Variants in AGAP1 observed in about 807,000 individuals in gnomAD.
AGAP1 encodes the protein arf-GAP with GTPase, ANK repeat and PH domain-containing protein 1.
Under a neutral mutation model 105.3 loss-of-function variants are expected in AGAP1, and 29 were observed. The ratio of observed to expected loss-of-function variants is 0.28; its 90% CI spans 0.21 to 0.38. The LOEUF (loss-of-function observed/expected upper bound fraction) is 0.38. Among genes scored for constraint, AGAP1 ranks in the 10% least tolerant of loss-of-function variants. The pLI is 1.00. For synonymous variants in AGAP1, 509 were observed against 485.9 expected (o/e 1.05, Z -0.63); for missense variants, 998 against 1,165.1 (o/e 0.86, Z 2.09).
intron 1 of AGAP1, among the ~76,000 whole-genome samples, chr2:235,666,705 CA>C (rs1185912884): frequency 1.3e-5 from 2 of 150,808 alleles, no homozygotes; most frequent in Non-Finnish European, 2.9e-5. Flanking sequence ...GATGGATTCT[CA>C]ACAAAGGTAC....
Position 235,716,873 on chromosome 2 carries a change from G to A in AGAP1, c.223-684G>A, listed in dbSNP as rs1951135049. 6.6e-6 allele frequency among the ~76,000 whole-genome samples: 1 copy of A among 152,050 alleles called. No individual in the cohort carries two copies. Among genetic ancestry groups the A allele is most frequent in the South Asian group, 2.1e-4 (1 of 4,824 alleles). The stretch of plus-strand genomic sequence containing the variant: ...TTACTGCTAGGACAGAGGCCCTCAT[G>A]TCACCCTCCCTCCTGAGGGTCGCCT... On this transcript the variant is annotated intron_variant, in intron 2 of 17. Coordinates refer to ENST00000304032, the MANE Select transcript of AGAP1 (RefSeq NM_001037131.3). The surrounding 1 kb of genome is among the most constrained non-coding windows in gnomAD (Gnocchi z 4.0).
chr2:235,893,193 G>T lies in AGAP1; in HGVS notation c.1155+9744G>T, dbSNP rs1397096685. ...GCGCTGTGTCTTTGGCGCGGGTGTGGCGTGGGTGTGCCATGTCCATCATAA... is the reference window on the plus strand; with the variant it reads ...GCGCTGTGTCTTTGGCGCGGGTGTGTCGTGGGTGTGCCATGTCCATCATAA... On this transcript the variant is annotated intron_variant, in intron 10 of 17. Coordinates refer to ENST00000304032, the MANE Select transcript of AGAP1 (RefSeq NM_001037131.3). The surrounding 1 kb of genome is among the most constrained non-coding windows in gnomAD (Gnocchi z 4.7). Among the ~76,000 whole-genome samples the T allele has an allele frequency of 6.6e-6, 1 of 151,110 alleles. No homozygotes were observed. Among genetic ancestry groups the T allele is most frequent in the African/African-American group, 2.4e-5 (1 of 41,084 alleles).
At chr2:235,519,756 C>T (rs1320160301) in intron 1 of AGAP1, among the ~76,000 whole-genome samples, 2 of 152,068 alleles carry the variant, frequency 1.3e-5, no homozygotes, top group Non-Finnish European at 2.9e-5. Flanking sequence ...CCTGTATATA[C>T]CCTGCCACCT....
chr2:235,565,169 A>T (rs57558506), intron 1 of AGAP1, among the ~76,000 whole-genome samples: 1 of 140,434 alleles, frequency 7.1e-6, no homozygotes, highest in Non-Finnish European at 1.5e-5. Context: ...CTGGACCACC[A>T]CCCACGGCCA....
At chr2:235,873,735 G>A (rs748319838) in intron 9 of AGAP1, among the ~76,000 whole-genome samples, 4 of 152,300 alleles carry the variant, frequency 2.6e-5, no homozygotes, top group East Asian at 1.9e-4. Flanking sequence ...CCACATTTTC[G>A]TTTTGTTTTT....
rs1559354552 is a variant in AGAP1, at chr2:235,689,279, A to G, written c.164-19900A>G. 6.6e-6 allele frequency among the ~76,000 whole-genome samples: 1 copy of G among 152,094 alleles called. No homozygotes were observed. The highest frequency in any genetic ancestry group is 1.5e-5 in the Non-Finnish European group (1 of 68,030). On this transcript the variant is annotated intron_variant, in intron 1 of 17. Transcript: ENST00000304032. This position sits in a 1 kb window ranked among gnomAD's most constrained non-coding sequence, Gnocchi z 4.2. ...GCACTTTGGAGCTAGAGCAAGAGCA[A>G]TGGAGAGAGTGAGGTTGCCGTGTCC...
At chr2:236,047,598 CTTTTTTTTTTTTT>C (rs59007077) in intron 15 of AGAP1, among the ~76,000 whole-genome samples, 1 of 68,272 alleles carries the variant, frequency 1.5e-5, no homozygotes, top group South Asian at 6.3e-4. Context: ...TCTCACATTT[CTTTTTTTTTTTTT>C]TTTTTTTTTG....
chr2:235,778,347 G>A (rs538501914), intron 6 of AGAP1, among the ~76,000 whole-genome samples: 44 of 152,340 alleles, frequency 2.9e-4, no homozygotes, highest in African/African-American at 1.1e-3. Context: ...AGTGCAGCCA[G>A]CAGGGAATTT....
intron 1 of AGAP1, among the ~76,000 whole-genome samples, chr2:235,592,292 A>T (rs1420151789): frequency 6.6e-6 from 1 of 151,536 alleles, no homozygotes; most frequent in Non-Finnish European, 1.5e-5. Flanking sequence ...GGAGGAGTAG[A>T]TGAGCCATGT....
rs1354200867 is a variant in AGAP1 at position 235,620,019 on chromosome 2, G to A, written c.164-89160G>A. Among the ~76,000 whole-genome samples the A allele has an allele frequency of 6.6e-6, 1 of 152,158 alleles. No individual in the cohort carries two copies. Among genetic ancestry groups the A allele is most frequent in the Non-Finnish European group, 1.5e-5 (1 of 68,024 alleles). ...CATGTTACTGTCTCTGTAGCTGCCT[G>A]TGCCTCCAGGTGTGGTGCTGCCTTC... On this transcript the variant is annotated intron_variant, in intron 1 of 17. Transcript: ENST00000304032. This position sits in a 1 kb window ranked among gnomAD's most constrained non-coding sequence, Gnocchi z 4.5.
At chr2:235,749,075 G>A (rs920420848) in intron 5 of AGAP1, among the ~76,000 whole-genome samples, 1 of 152,106 alleles carries the variant, frequency 6.6e-6, no homozygotes, top group Non-Finnish European at 1.5e-5. Context: ...TGGGCATGGT[G>A]GTGAGTACCT....
At position 235,728,829 on chromosome 2, in the gene AGAP1, C is replaced by T. The variant is rs1951790652; in HGVS notation, c.310+11185C>T. On this transcript the variant is annotated intron_variant, in intron 3 of 17. Transcript: ENST00000304032. This position sits in a 1 kb window ranked among gnomAD's most constrained non-coding sequence, Gnocchi z 4.3. ...GGGGAAGCCAGCCTGCAGCATTGCCCTCTAGACACTAAGAAGAAGGGAGTA... is the reference window on the plus strand; with the variant it reads ...GGGGAAGCCAGCCTGCAGCATTGCCTTCTAGACACTAAGAAGAAGGGAGTA... Among the ~76,000 whole-genome samples, 2 of 152,120 alleles carry T rather than the reference C, an allele frequency of 1.3e-5. No individual in the cohort carries two copies. Among genetic ancestry groups the T allele is most frequent in the South Asian group, 2.1e-4 (1 of 4,822 alleles).
rs1000148538 is a variant in AGAP1 at position 235,635,266 on chromosome 2, A to C, written c.164-73913A>C. 6.6e-6 allele frequency among the ~76,000 whole-genome samples: 1 copy of C among 152,090 alleles called. No individual in the cohort carries two copies. The highest frequency in any genetic ancestry group is 2.4e-5 in the African/African-American group (1 of 41,406). ...CTCCGTGTCCTCATCTGAAAATGGGAATGAGGATGCCTATCCGAGGTGACT... is the reference window on the plus strand; with the variant it reads ...CTCCGTGTCCTCATCTGAAAATGGGCATGAGGATGCCTATCCGAGGTGACT... On this transcript the variant is annotated intron_variant, in intron 1 of 17. Coordinates refer to ENST00000304032, the MANE Select transcript of AGAP1 (RefSeq NM_001037131.3). The surrounding 1 kb of genome is among the most constrained non-coding windows in gnomAD (Gnocchi z 5.3).
Position 235,728,301 on chromosome 2 carries a change from CTG to C in AGAP1, c.310+10682_310+10683del, listed in dbSNP as rs143714801. Among the ~76,000 whole-genome samples, 162 of 148,184 alleles carry C rather than the reference CTG, an allele frequency of 1.1e-3. No homozygotes were observed. Among genetic ancestry groups the C allele is most frequent in the African/African-American group, 1.5e-3 (62 of 40,206 alleles). ...ATCTGAAAAGGACTGGGCCCAGACT[CTG>C]TGTGTGTGTGTGTGTGTGTGTGTGC... On this transcript the variant is annotated intron_variant, in intron 3 of 17. Transcript: ENST00000304032. The surrounding 1 kb of genome is among the most constrained non-coding windows in gnomAD (Gnocchi z 4.3).
intron 12 of AGAP1, among the ~76,000 whole-genome samples, chr2:235,946,021 T>A (rs1473134852): frequency 6.6e-6 from 1 of 151,868 alleles, no homozygotes; most frequent in African/African-American, 2.4e-5. Flanking sequence ...ACCGCCAGCA[T>A]TGGGGATGAC....
chr2:235,988,304 A>G lies in AGAP1; in HGVS notation c.1645+19681A>G, dbSNP rs893174088. Among the ~76,000 whole-genome samples the G allele has an allele frequency of 1.3e-5, 2 of 152,106 alleles. No individual in the cohort carries two copies. The highest frequency in any genetic ancestry group is 2.4e-5 in the African/African-American group (1 of 41,420). On this transcript the variant is annotated intron_variant, in intron 13 of 17. Coordinates refer to ENST00000304032, the MANE Select transcript of AGAP1 (RefSeq NM_001037131.3). This position sits in a 1 kb window ranked among gnomAD's most constrained non-coding sequence, Gnocchi z 4.7. ...GTGATCCACCTGCCTCGGCCTCCCA[A>G]AGTGGTAGGATTACAGGCGTGAGCC...
intron 16 of AGAP1, among the ~76,000 whole-genome samples, chr2:236,110,769 T>A (rs1163903588): frequency 1.3e-5 from 2 of 152,200 alleles, no homozygotes; most frequent in African/African-American, 4.8e-5. Context: ...ATGGAGAAAT[T>A]ATGCAGAAAG....
intron 16 of AGAP1, among the ~76,000 whole-genome samples, chr2:236,059,237 C>T (rs970003715): frequency 1.3e-5 from 2 of 151,746 alleles, no homozygotes; most frequent in Non-Finnish European, 2.9e-5. Context: ...AAGGACAGTT[C>T]CATTTACAAA....
In AGAP1 at chr2:235,842,187, G is replaced by A. The variant is rs959856844; in HGVS notation, c.1050+34856G>A. On this transcript the variant is annotated intron_variant, in intron 9 of 17. Transcript: ENST00000304032. The surrounding 1 kb of genome is among the most constrained non-coding windows in gnomAD (Gnocchi z 5.3). ...TTCTGGAGCACAGACTCCGTGCTCT[G>A]GAGCAAGAGTTCTTCACTGTGGTTC... is the stretch of plus-strand genomic sequence containing the variant. Among the ~76,000 whole-genome samples the A allele has an allele frequency of 1.3e-5, 2 of 152,302 alleles. No individual in the cohort carries two copies. The highest frequency in any genetic ancestry group is 4.1e-4 in the South Asian group (2 of 4,826).
Sources: allele counts gnomAD v4.1 joint callset (sites outside exome capture counted in the v4.1 genomes callset), GRCh38; gene constraint gnomAD v4.1.1; non-coding constraint Gnocchi (gnomAD v3.1); transcripts MANE v1.5; gene names NCBI Gene and HGNC (gene_info 2026-07-23, HGNC 2026-07-21).